The following TBX20 variants were observed in gnomAD, a reference collection of about 807,000 sequenced individuals.
TBX20 encodes T-box transcription factor 20.
TBX20 carries 8 observed loss-of-function variants against 42.9 expected under a neutral mutation model. The observed-to-expected ratio is 0.19, with a 90% confidence interval of 0.11 to 0.34. The LOEUF is 0.34. Among genes scored for constraint, TBX20 ranks in the 10% least tolerant of loss-of-function variants. The pLI, the probability that TBX20 is intolerant of heterozygous loss-of-function variation, is 1.00. For synonymous variants in TBX20, 198 were observed against 222.8 expected (o/e 0.89, Z 0.99); for missense variants, 411 against 566.0 (o/e 0.73, Z 2.78).
Position 35,253,717 on chromosome 7 carries a change from T to G in TBX20, c.-97A>C. On this transcript the variant is annotated 5_prime_UTR_variant, in exon 1 of 8. Transcript: ENST00000408931. Reference sequence around the variant, plus strand: ...AAGACCCGAAACACAGCTCAAAGTTTCCGAGAGCAGTCACAGCGGGGCCAG... The same window carrying G: ...AAGACCCGAAACACAGCTCAAAGTTGCCGAGAGCAGTCACAGCGGGGCCAG... The G allele has an allele frequency of 6.6e-7, 1 of 1,515,792 alleles. No homozygotes were observed. Among genetic ancestry groups the G allele is most frequent in the Non-Finnish European group, 8.9e-7 (1 of 1,129,206 alleles). The allele number at this position is 1,515,792 out of a possible 1,614,324, so 93.9% of individuals were successfully genotyped here.
Position 35,244,358 on chromosome 7 carries a change from A to C in TBX20, c.654+591T>G, listed in dbSNP as rs1584356962. Among the ~76,000 whole-genome samples the C allele has an allele frequency of 2.0e-5, 3 of 152,332 alleles. No individual in the cohort carries two copies. In the East Asian group the frequency reaches 5.8e-4, roughly 29 times the overall value. ...ATTTTCATAAACTTTATACTGACACAAAATCAAATTGTTTTGTTTTTAATT... is the reference window on the plus strand; with the variant it reads ...ATTTTCATAAACTTTATACTGACACCAAATCAAATTGTTTTGTTTTTAATT... On this transcript the variant is annotated intron_variant, in intron 4 of 7. Transcript: ENST00000408931.
intron 6 of TBX20, among the ~76,000 whole-genome samples, chr7:35,217,568 T>C (rs1174357639): frequency 4.5e-4 from 69 of 152,334 alleles, no homozygotes; most frequent in Non-Finnish European, 7.3e-5. Flanking sequence ...TGAGTAGCAT[T>C]TTAAGTGCAG....
At chr7:35,224,211 A>G (rs1789730996) in intron 6 of TBX20, among the ~76,000 whole-genome samples, 1 of 152,258 alleles carries the variant, frequency 6.6e-6, no homozygotes, top group Admixed American at 6.5e-5. Context: ...TTCTAACAAT[A>G]AAAGGAAGGA....
chr7:35,225,564 A>T (rs2128712695), intron 6 of TBX20, among the ~76,000 whole-genome samples: 1 of 152,356 alleles, frequency 6.6e-6, no homozygotes, highest in South Asian at 2.1e-4. Flanking sequence ...GTGCCTAAGA[A>T]CATCTGTGCA....
intron 6 of TBX20, among the ~76,000 whole-genome samples, chr7:35,205,353 TAA>T (rs3051595): frequency 1.4e-5 from 2 of 144,626 alleles, no homozygotes; most frequent in Non-Finnish European, 1.5e-5. Context: ...CTTCTGCTTT[TAA>T]AAAAAAAAAA....
At chr7:35,224,183 C>A (rs956605358) in intron 6 of TBX20, among the ~76,000 whole-genome samples, 3 of 152,134 alleles carry the variant, frequency 2.0e-5, no homozygotes, top group Admixed American at 6.5e-5. Context: ...ATGATCATTT[C>A]TTTGCTTTTC....
intron 6 of TBX20, among the ~76,000 whole-genome samples, chr7:35,228,557 A>G (rs1043020766): frequency 9.2e-5 from 14 of 152,124 alleles, no homozygotes; most frequent in Admixed American, 8.5e-4. Flanking sequence ...AAAAATTAAT[A>G]AAAGAAACTT....
chr7:35,234,716 G>T (rs1220124645), intron 5 of TBX20, among the ~76,000 whole-genome samples: 1 of 151,802 alleles, frequency 6.6e-6, no homozygotes, highest in African/African-American at 2.4e-5. Flanking sequence ...ATTAGAAAAA[G>T]AATTCAAAAC....
chr7:35,213,120 T>C (rs894528711), intron 6 of TBX20, among the ~76,000 whole-genome samples: 1 of 152,224 alleles, frequency 6.6e-6, no homozygotes, highest in African/African-American at 2.4e-5. Flanking sequence ...TTGTTTCCCA[T>C]CCCTCAGAGA....
intron 6 of TBX20, among the ~76,000 whole-genome samples, chr7:35,226,870 A>G (rs1789780783): frequency 1.3e-5 from 2 of 152,130 alleles, no homozygotes. Flanking sequence ...ATCAAAAAAA[A>G]AAAGTTAACC....
At chr7:35,221,165 A>C (rs1229147050) in intron 6 of TBX20, among the ~76,000 whole-genome samples, 1 of 143,608 alleles carries the variant, frequency 7.0e-6, no homozygotes, top group African/African-American at 2.5e-5. Context: ...AAATGATAAG[A>C]AAGACCAATG....
chr7:35,220,618 T>A (rs1341364690), intron 6 of TBX20, among the ~76,000 whole-genome samples: 2 of 152,220 alleles, frequency 1.3e-5, no homozygotes, highest in African/African-American at 2.4e-5. Context: ...ACCTGGAAGA[T>A]CTAACAAACA....
At chr7:35,229,390 T>A (rs569904319) in intron 6 of TBX20, among the ~76,000 whole-genome samples, 1 of 152,254 alleles carries the variant, frequency 6.6e-6, no homozygotes, top group South Asian at 2.1e-4. Context: ...ATCTGATTTG[T>A]CCCATCCCCA....
At chr7:35,229,994 T>A (rs1403279729) in intron 6 of TBX20, among the ~76,000 whole-genome samples, 1 of 152,018 alleles carries the variant, frequency 6.6e-6, no homozygotes, top group African/African-American at 2.4e-5. Context: ...TAACTTTTTT[T>A]TTCTCCCAAT....
chr7:35,245,153 A>T (rs1411982582), intron 3 of TBX20, 96 bp from the exon 4 acceptor site: 1 of 913,386 alleles, frequency 1.1e-6, no homozygotes, highest in Non-Finnish European at 1.7e-6. Flanking sequence ...CACATAAACC[A>T]TATATAAGTG....
chr7:35,229,357 T>C (rs1584349703), intron 6 of TBX20, among the ~76,000 whole-genome samples: 1 of 152,322 alleles, frequency 6.6e-6, no homozygotes, highest in Non-Finnish European at 1.5e-5. Flanking sequence ...ATTTAATTTC[T>C]TTAGGTCTCT....
chr7:35,224,043 G>C (rs751222134), intron 6 of TBX20, among the ~76,000 whole-genome samples: 7 of 152,090 alleles, frequency 4.6e-5, no homozygotes, highest in Non-Finnish European at 8.8e-5. Flanking sequence ...CAATTACATG[G>C]GACAGACATT....
chr7:35,211,819 A>C (rs889689176), intron 6 of TBX20, among the ~76,000 whole-genome samples: 1 of 152,038 alleles, frequency 6.6e-6, no homozygotes, highest in African/African-American at 2.4e-5. Context: ...TGTTCCTCTT[A>C]TGTAATACGT....
intron 3 of TBX20, 90 bp from the exon 4 acceptor site, chr7:35,245,147 T>A: frequency 1.1e-6 from 1 of 950,350 alleles, no homozygotes; most frequent in East Asian, 2.7e-5. Context: ...AGGGAACACA[T>A]AAACCATATA....
Sources: allele counts gnomAD v4.1 joint callset (sites outside exome capture counted in the v4.1 genomes callset), GRCh38; gene constraint gnomAD v4.1.1; transcripts MANE v1.5; gene names NCBI Gene and HGNC (gene_info 2026-07-23, HGNC 2026-07-21).